Variants in UVRAG observed in about 807,000 individuals in gnomAD.
UVRAG encodes the protein UV radiation resistance-associated gene protein.
Under a neutral mutation model 78.0 loss-of-function variants are expected in UVRAG, and 19 were observed. The observed-to-expected ratio is 0.24, with a 90% CI of 0.17 to 0.36. UVRAG has a LOEUF of 0.36. Among genes scored for constraint, UVRAG ranks in the 10% least tolerant of loss-of-function variants. The pLI, the probability that UVRAG is intolerant of heterozygous loss-of-function variation, is 1.00. For missense variants in UVRAG, 740 were observed against 853.8 expected, an observed-to-expected ratio of 0.87 and a Z score of 1.66; for synonymous variants, 323 against 324.6, an observed-to-expected ratio of 1.00 and a Z score of 0.05.
chr11:75,858,527 GT>G (rs1444110282), intron 2 of UVRAG, among the ~76,000 whole-genome samples: 5 of 152,070 alleles, frequency 3.3e-5, no homozygotes, highest in Admixed American at 6.6e-5. Context: ...GGACACTTAG[GT>G]TGTTCCAGTC....
intron 5 of UVRAG, among the ~76,000 whole-genome samples, chr11:75,902,462 G>A (rs1947525072): frequency 6.6e-6 from 1 of 152,112 alleles, no homozygotes; most frequent in African/African-American, 2.4e-5. Context: ...CTTGCCCTGG[G>A]GGTTGGGAAC....
At chr11:75,839,855 A>G (rs563856204) in intron 1 of UVRAG, among the ~76,000 whole-genome samples, 92 of 147,034 alleles carry the variant, frequency 6.3e-4, no homozygotes, top group African/African-American at 2.4e-3. Flanking sequence ...CCCCACACAT[A>G]TATATATAGA....
Position 76,069,622 on chromosome 11 carries a change from T to C in UVRAG, c.1305+3834T>C, listed in dbSNP as rs188841656. Among the ~76,000 whole-genome samples, 17 of 152,352 alleles carry C rather than the reference T, an allele frequency of 1.1e-4. No individual in the cohort carries two copies. The East Asian group carries it at 3.1e-3, about 28-fold the overall frequency. On this transcript the variant is annotated intron_variant, in intron 13 of 14. Transcript: ENST00000356136. The stretch of plus-strand genomic sequence containing the variant: ...CAAAAATTATAATACTTTTATCTTA[T>C]ATTTGTGGGAGCCTTATAGTTTGTA...
At chr11:76,121,987 C>G (rs1952288122) in intron 14 of UVRAG, among the ~76,000 whole-genome samples, 1 of 152,132 alleles carries the variant, frequency 6.6e-6, no homozygotes, top group South Asian at 2.1e-4. Flanking sequence ...TGGTCCCAGC[C>G]TGGCATTACA....
intron 6 of UVRAG, among the ~76,000 whole-genome samples, chr11:75,957,877 C>T (rs1948831886): frequency 6.6e-6 from 1 of 152,132 alleles, no homozygotes; most frequent in African/African-American, 2.4e-5. Context: ...TGGTTCCAGG[C>T]TACCCCAATA....
intron 12 of UVRAG, among the ~76,000 whole-genome samples, chr11:76,022,495 T>C (rs1158512847): frequency 1.3e-5 from 2 of 152,224 alleles, no homozygotes; most frequent in African/African-American, 4.8e-5. Flanking sequence ...TTTCTTGTTA[T>C]GTCTGCCTGA....
intron 1 of UVRAG, among the ~76,000 whole-genome samples, chr11:75,842,186 T>A (rs1945928884): frequency 6.6e-6 from 1 of 152,158 alleles, no homozygotes; most frequent in Non-Finnish European, 1.5e-5. Context: ...TAGCTTCATA[T>A]CTGCCCACAT....
At chr11:75,943,504 T>C (rs1415466507) in intron 6 of UVRAG, among the ~76,000 whole-genome samples, 1 of 152,186 alleles carries the variant, frequency 6.6e-6, no homozygotes, top group Non-Finnish European at 1.5e-5. Context: ...TGGATAGTAT[T>C]ATGAAAAAAT....
At chr11:76,135,143 A>ACG (rs140725551) in intron 14 of UVRAG, among the ~76,000 whole-genome samples, 1,557 of 152,288 alleles carry the variant, frequency 0.01, 31 homozygotes, top group African/African-American at 0.035. Context: ...CTTCCACAAA[A>ACG]CGGGTACCTG....
chr11:76,053,139 C>T (rs1416033740), intron 12 of UVRAG, among the ~76,000 whole-genome samples: 1 of 151,758 alleles, frequency 6.6e-6, no homozygotes, highest in South Asian at 2.1e-4. Context: ...AACCCCATCT[C>T]TACTAAAAAT....
intron 1 of UVRAG, among the ~76,000 whole-genome samples, chr11:75,841,127 G>A (rs1945899192): frequency 6.6e-6 from 1 of 152,172 alleles, no homozygotes; most frequent in African/African-American, 2.4e-5. Context: ...ATTGAGCCTG[G>A]TCTCAGGCTG....
At chr11:76,082,796 G>A (rs949410252) in intron 13 of UVRAG, among the ~76,000 whole-genome samples, 4 of 152,110 alleles carry the variant, frequency 2.6e-5, no homozygotes, top group African/African-American at 9.7e-5. Flanking sequence ...TTGGGAGACC[G>A]AGGCAGATGG....
At chr11:76,108,986 A>G (rs1952022490) in intron 13 of UVRAG, among the ~76,000 whole-genome samples, 1 of 152,200 alleles carries the variant, frequency 6.6e-6, no homozygotes, top group African/African-American at 2.4e-5. Context: ...TGAAATTCAA[A>G]CTAATTGAAA....
intron 14 of UVRAG, among the ~76,000 whole-genome samples, chr11:76,126,013 G>A (rs987477464): frequency 1.3e-5 from 2 of 148,772 alleles, no homozygotes; most frequent in East Asian, 4.0e-4. Flanking sequence ...GCAGTGGTGC[G>A]ATCTCAGCTC....
intron 1 of UVRAG, among the ~76,000 whole-genome samples, chr11:75,834,427 C>T (rs796666226): frequency 4.6e-5 from 7 of 152,174 alleles, no homozygotes; most frequent in Admixed American, 1.3e-4. Flanking sequence ...TTTGGTCACC[C>T]GGTCAAGGTG....
At chr11:75,905,275 A>G (rs1947590336) in intron 5 of UVRAG, among the ~76,000 whole-genome samples, 1 of 152,118 alleles carries the variant, frequency 6.6e-6, no homozygotes, top group African/African-American at 2.4e-5. Context: ...CTTAGCATCC[A>G]TTTTTTAAAA....
chr11:76,027,186 A>G (rs113628155), intron 12 of UVRAG, among the ~76,000 whole-genome samples: 3 of 152,124 alleles, frequency 2.0e-5, no homozygotes, highest in Non-Finnish European at 2.9e-5. Flanking sequence ...TAAGTTTTGT[A>G]CTTGTAAAGC....
intron 12 of UVRAG, among the ~76,000 whole-genome samples, chr11:76,044,673 CTGAGGCAGGAGAATTGCT>C (rs1478705345): frequency 6.6e-6 from 1 of 152,038 alleles, no homozygotes; most frequent in Non-Finnish European, 1.5e-5. Flanking sequence ...ACTCGGGAGG[CTGAGGCAGGAGAATTGCT>C]TGAACCTGGG....
chr11:75,880,904 T>G (rs1313387405), intron 4 of UVRAG, among the ~76,000 whole-genome samples: 1 of 151,206 alleles, frequency 6.6e-6, no homozygotes, highest in Non-Finnish European at 1.5e-5. Flanking sequence ...TAATATTTTC[T>G]TTCTTCCTTT....
Sources: allele counts gnomAD v4.1 joint callset (sites outside exome capture counted in the v4.1 genomes callset), GRCh38; gene constraint gnomAD v4.1.1; transcripts MANE v1.5; gene names NCBI Gene and HGNC (gene_info 2026-07-23, HGNC 2026-07-21).